PCDHGB2: variants seen among roughly 807,000 people sequenced by gnomAD.
PCDHGB2 encodes the protein protocadherin gamma subfamily B, 2, also known as protocadherin gamma-B2.
A neutral mutation model predicts 59.3 loss-of-function variants in PCDHGB2; 55 were observed. The observed-to-expected ratio is 0.93, with a 90% confidence interval of 0.75 to 1.16. The LOEUF (loss-of-function observed/expected upper bound fraction) is 1.16. PCDHGB2 is among the 50% of genes most tolerant of loss of function. The pLI is 0.00. For synonymous variants in PCDHGB2, 516 were observed against 512.0 expected, an observed-to-expected ratio of 1.01 and a Z score of -0.11; for missense variants, 1,228 against 1,198.5, an observed-to-expected ratio of 1.02 and a Z score of -0.36.
chr5:141,360,606 C>G lies in PCDHGB2; in HGVS notation c.471C>G (p.Ala157=). 6.2e-7 allele frequency: 1 copy of G among 1,613,962 alleles called. No individual in the cohort carries two copies. The highest frequency in any genetic ancestry group is 1.6e-4 in the Middle Eastern group (1 of 6,062). ...KPGTTFPLDP[A]LDSDVGPNSL... The stretch of plus-strand genomic sequence containing the variant: ...GTACAACATTTCCACTTGACCCAGC[C>G]CTGGATTCAGATGTTGGTCCTAACT... Residue 157 remains alanine (A), a synonymous_variant, in exon 1 of 4, where the codon GCC becomes GCG. Transcript: ENST00000522605.
chr5:141,456,748 A>C (rs1448893002), intron 1 of PCDHGB2, among the ~76,000 whole-genome samples: 1 of 151,852 alleles, frequency 6.6e-6, no homozygotes, highest in Non-Finnish European at 1.5e-5. Context: ...GAGCATCATG[A>C]GGTCAGGAGT....
chr5:141,419,007 GGT>G (rs1181124538), intron 1 of PCDHGB2: 1 of 1,613,978 alleles, frequency 6.2e-7, no homozygotes, highest in South Asian at 1.1e-5. Flanking sequence ...GGGGAAGTCA[GGT>G]GTAGCTTAAG....
intron 1 of PCDHGB2, among the ~76,000 whole-genome samples, chr5:141,382,076 G>T (rs185685959): frequency 6.6e-6 from 1 of 152,032 alleles, no homozygotes; most frequent in Non-Finnish European, 1.5e-5. Context: ...TGATCCGCCC[G>T]CCTCGGCCTC....
At chr5:141,510,831 A>T (rs2154594660) in intron 3 of PCDHGB2, 116 bp from the exon 4 acceptor site, 1 of 1,577,022 alleles carries the variant, frequency 6.3e-7, no homozygotes, top group East Asian at 2.2e-5. Context: ...CCCAGTGCTC[A>T]GCGTGGTCAA....
In PCDHGB2 at chr5:141,361,288, C is replaced by T. The variant is rs1213603447; in HGVS notation, c.1153C>T (p.Gln385Ter). 1.3e-5 allele frequency: 21 copies of T among 1,613,934 alleles called. No homozygotes were observed. Among genetic ancestry groups the T allele is most frequent in the Non-Finnish European group, 1.8e-5 (21 of 1,179,892 alleles). The change falls in exon 1 of 4, where the codon CAA (glutamine) becomes TAA (stop). Residue 385 changes from glutamine (Q) to a stop codon, truncating the protein, a stop_gained. Transcript: ENST00000522605. LOFTEE classifies it high-confidence loss of function. ...TGGAGAAAATGGAGAAGTTTACTGC[C>T]AAGTGTTGGGAAATGCCAAGTTTAT... Reference protein sequence around the residue: ...DSGENGEVYCQVLGNAKFILK... With the variant: ...DSGENGEVYC
At chr5:141,419,378 G>A in intron 1 of PCDHGB2, 3 of 1,613,710 alleles carry the variant, frequency 1.9e-6, no homozygotes, top group Non-Finnish European at 2.5e-6. Context: ...CTACGTGTCC[G>A]TGAGCGCGCA....
intron 1 of PCDHGB2, among the ~76,000 whole-genome samples, chr5:141,451,498 C>A (rs2098717552): frequency 6.6e-6 from 1 of 152,208 alleles, no homozygotes; most frequent in South Asian, 2.1e-4. Flanking sequence ...CTCCATAGGG[C>A]AACCAGCTTC....
chr5:141,372,233 G>C, intron 1 of PCDHGB2: 1 of 1,613,368 alleles, frequency 6.2e-7, no homozygotes, highest in Non-Finnish European at 8.5e-7. Flanking sequence ...AGGCCAGCGA[G>C]CCCGGGCTGT....
chr5:141,405,433 T>A, intron 1 of PCDHGB2: 1 of 1,471,752 alleles, frequency 6.8e-7, no homozygotes, highest in Non-Finnish European at 9.3e-7. Flanking sequence ...TTTTGTTTTG[T>A]TTTTGAGACA....
At chr5:141,502,400 C>T (rs964923206) in intron 2 of PCDHGB2, among the ~76,000 whole-genome samples, 2 of 151,748 alleles carry the variant, frequency 1.3e-5, no homozygotes, top group African/African-American at 4.8e-5. Flanking sequence ...AAAATGTCCC[C>T]GAACCTGGAT....
intron 1 of PCDHGB2, chr5:141,404,392 T>C (rs759142051): frequency 3.1e-6 from 5 of 1,613,820 alleles, no homozygotes; most frequent in African/African-American, 1.3e-5. Flanking sequence ...ATGACCCTGA[T>C]AGCAATGAGA....
chr5:141,384,370 T>G (rs769961814), intron 1 of PCDHGB2: 1 of 1,613,926 alleles, frequency 6.2e-7, no homozygotes, highest in South Asian at 1.1e-5. Context: ...CACTTATTCC[T>G]TGGCCGAAGA....
At chr5:141,376,831 C>A in intron 1 of PCDHGB2, 1 of 256,752 alleles carries the variant, frequency 3.9e-6, no homozygotes, top group Non-Finnish European at 7.4e-6. Context: ...GGACTACAGG[C>A]GCCCGCCACC....
intron 1 of PCDHGB2, chr5:141,366,919 ATTCTGTTT>A: frequency 1.8e-6 from 2 of 1,085,760 alleles, no homozygotes; most frequent in Non-Finnish European, 2.5e-6. Flanking sequence ...TTGTTTTCAA[ATTCTGTTT>A]TGGGAAGTCT....
At chr5:141,413,767 C>A in intron 1 of PCDHGB2, 1 of 1,612,972 alleles carries the variant, frequency 6.2e-7, no homozygotes, top group South Asian at 1.1e-5. Flanking sequence ...GTACCCGGAG[C>A]TGGTACTGGA....
chr5:141,451,809 A>C (rs1316571749), intron 1 of PCDHGB2, among the ~76,000 whole-genome samples: 1 of 150,308 alleles, frequency 6.7e-6, no homozygotes, highest in Non-Finnish European at 1.5e-5. Flanking sequence ...TGAACCCAGG[A>C]GGCGGAGGTT....
rs538468873 is a variant in PCDHGB2 at position 141,364,832 on chromosome 5, C to T, written c.2421+2276C>T. The T allele has an allele frequency of 3.7e-6, 6 of 1,613,894 alleles. No individual in the cohort carries two copies. The highest frequency in any genetic ancestry group is 1.7e-5 in the Admixed American group (1 of 60,010). On this transcript the variant is annotated intron_variant, in intron 1 of 3. Coordinates refer to ENST00000522605, the MANE Select transcript of PCDHGB2 (RefSeq NM_018923.3). ...TGCGGATGTGGGTGTGAACTCTCTCCGGAGTTACCAGCTCAGCTCCAATCT... is the reference window on the plus strand; with the variant it reads ...TGCGGATGTGGGTGTGAACTCTCTCTGGAGTTACCAGCTCAGCTCCAATCT...
chr5:141,413,435 G>T lies in PCDHGB2; in HGVS notation c.2421+50879G>T, dbSNP rs1018097924. 17 of 1,614,004 alleles carry T rather than the reference G, an allele frequency of 1.1e-5. No homozygotes were observed. The African/African-American group carries it at 2.1e-4, about 20-fold the overall frequency. On this transcript the variant is annotated intron_variant, in intron 1 of 3. Coordinates refer to ENST00000522605, the MANE Select transcript of PCDHGB2 (RefSeq NM_018923.3). Reference sequence around the variant, plus strand: ...TTCTCTCTGAACCCGCGCAGCGGCAGCTTGATCACCGCGGGCAGGATAGAC... The same window carrying T: ...TTCTCTCTGAACCCGCGCAGCGGCATCTTGATCACCGCGGGCAGGATAGAC...
Position 141,505,556 on chromosome 5 carries a change from C to T in PCDHGB2, c.2569+75C>T, listed in dbSNP as rs2233611. ...GGGTGCATCTCACAGCCACCATGCC[C>T]ACGGACTGGATGTCAAACCTGTGTA... On this transcript the variant is annotated intron_variant, in intron 3 of 3. Transcript: ENST00000522605. 1,282 of 1,606,040 alleles carry T rather than the reference C, an allele frequency of 8.0e-4. 6 individuals are homozygous for T. In the African/African-American group the frequency reaches 0.013, roughly 16 times the overall value.
Sources: gnomAD v4.1 joint callset for allele counts (sites outside exome capture counted in the v4.1 genomes callset) on GRCh38, gnomAD v4.1.1 for gene constraint, MANE v1.5 for transcripts, NCBI Gene and HGNC (gene_info 2026-07-23, HGNC 2026-07-21) for gene names.